Variants in UPRT observed in about 807,000 individuals in gnomAD.
The protein encoded by UPRT is RP11-311P8.3.
Under a neutral mutation model 22.6 loss-of-function variants are expected in UPRT, and 5 were observed. That is an observed-to-expected ratio of 0.22 (90% CI 0.12 to 0.47). The LOEUF (loss-of-function observed/expected upper bound fraction) is 0.47. Ranked by LOEUF, UPRT falls within the 20% of genes least tolerant of loss-of-function variation. The pLI is 0.99. For missense variants in UPRT, 181 were observed against 239.9 expected (o/e 0.75, Z 1.62); for synonymous variants, 77 against 87.7 (o/e 0.88, Z 0.68).
chrX:75,182,455 G>T, intron 4 of UPRT, among the ~76,000 whole-genome samples: 1 of 111,333 alleles, frequency 9.0e-6, no homozygotes, highest in East Asian at 2.8e-4. Context: ...TTATACATCT[G>T]CTAGAATTCA....
intron 4 of UPRT, among the ~76,000 whole-genome samples, chrX:75,196,134 C>T (rs1411947022): frequency 8.9e-6 from 1 of 111,847 alleles, no homozygotes; most frequent in Non-Finnish European, 1.9e-5. Context: ...TTAATACTTC[C>T]AATCCACGAA....
intron 4 of UPRT, among the ~76,000 whole-genome samples, chrX:75,298,965 G>C (rs1010222515): frequency 2.7e-5 from 3 of 112,527 alleles, no homozygotes; most frequent in African/African-American, 9.7e-5. Flanking sequence ...GTTTACACTA[G>C]TGATATAGTT....
intron 4 of UPRT, among the ~76,000 whole-genome samples, chrX:75,236,403 C>G (rs895834136): frequency 1.8e-5 from 2 of 111,442 alleles, no homozygotes; most frequent in Non-Finnish European, 3.8e-5. Flanking sequence ...AATGCCATCC[C>G]CATCAAGCTA....
intron 5 of UPRT, among the ~76,000 whole-genome samples, chrX:75,300,492 A>G (rs1457836248): frequency 8.9e-6 from 1 of 112,131 alleles, no homozygotes; most frequent in African/African-American, 3.2e-5. Flanking sequence ...CTCTTACTTC[A>G]AAGACATTTT....
intron 4 of UPRT, among the ~76,000 whole-genome samples, chrX:75,178,708 C>T (rs897253183): frequency 8.2e-5 from 9 of 110,179 alleles, no homozygotes; most frequent in South Asian, 4.1e-4. Flanking sequence ...CCGGTGGGCT[C>T]GTGGTCTCTC....
At chrX:75,276,896 A>G (rs2082633718) in intron 1 of UPRT, among the ~76,000 whole-genome samples, 1 of 110,564 alleles carries the variant, frequency 9.0e-6, no homozygotes, top group Admixed American at 9.7e-5. Flanking sequence ...TTTTCACCCA[A>G]CCCACCCAAA....
At chrX:75,275,937 C>T (rs1461553384) in intron 1 of UPRT, among the ~76,000 whole-genome samples, 1 of 111,431 alleles carries the variant, frequency 9.0e-6, no homozygotes, top group Admixed American at 9.5e-5. Context: ...GTCTTGAACT[C>T]CTGGCCTCAA....
At chrX:75,265,039 C>G (rs1000902197) in intron 4 of UPRT, among the ~76,000 whole-genome samples, 2 of 111,931 alleles carry the variant, frequency 1.8e-5, no homozygotes, top group African/African-American at 6.5e-5. Flanking sequence ...GAGTTTCTGC[C>G]AAGAGATCAG....
intron 4 of UPRT, among the ~76,000 whole-genome samples, chrX:75,225,058 A>T (rs957226101): frequency 9.0e-6 from 1 of 111,043 alleles, no homozygotes; most frequent in Non-Finnish European, 1.9e-5. Context: ...GAGCGGTCGC[A>T]GTAGTTTGAG....
In UPRT at chrX:75,206,180, G is replaced by T. The variant is rs957437458; in HGVS notation, c.-447+38301G>T. Among the ~76,000 whole-genome samples the T allele has an allele frequency of 4.5e-4, 50 of 110,809 alleles. No homozygotes were observed. In the Admixed American group the frequency reaches 4.6e-3, roughly 10 times the overall value. On this transcript the variant is annotated intron_variant, in intron 4 of 13. Transcript: ENST00000652605. Reference sequence around the variant, plus strand: ...GAGTTTAAACTGGGGGATAATATGGGGTGAGGAGAATAGAAGTGACAGTGT... The same window carrying T: ...GAGTTTAAACTGGGGGATAATATGGTGTGAGGAGAATAGAAGTGACAGTGT...
At chrX:75,180,693 T>TG (rs2082266961) in intron 4 of UPRT, among the ~76,000 whole-genome samples, 43 of 31,664 alleles carry the variant, frequency 1.4e-3, no homozygotes, top group East Asian at 3.4e-3. Context: ...TTTTTTTTTT[T>TG]TGTTTTTTTT....
In UPRT at chrX:75,219,025, A is replaced by G. The variant is rs1210640311; in HGVS notation, c.-447+51146A>G. On this transcript the variant is annotated intron_variant, in intron 4 of 13. Coordinates refer to the UPRT transcript ENST00000652605. ...GCACATTGTGCACATGTACCCTAAAACTTAAAGTATAATAATAATAAAATT... is the reference window on the plus strand; with the variant it reads ...GCACATTGTGCACATGTACCCTAAAGCTTAAAGTATAATAATAATAAAATT... Among the ~76,000 whole-genome samples, 3 of 111,009 alleles carry G rather than the reference A, an allele frequency of 2.7e-5. No individual in the cohort carries two copies. The Admixed American group carries it at 2.9e-4, about 11-fold the overall frequency.
chrX:75,270,836 A>G (rs2082606039), upstream of UPRT, among the ~76,000 whole-genome samples: 1 of 111,277 alleles, frequency 9.0e-6, no homozygotes, highest in Non-Finnish European at 1.9e-5. Context: ...GAAAACCTCC[A>G]TGGCACATGT....
intron 1 of UPRT, among the ~76,000 whole-genome samples, chrX:75,275,868 C>A (rs1335529716): frequency 9.0e-6 from 1 of 110,838 alleles, no homozygotes; most frequent in Non-Finnish European, 1.9e-5. Context: ...TGGCACTGCC[C>A]CCCGGCTAAT....
At chrX:75,241,078 CTTAA>C (rs1264973089) in intron 4 of UPRT, among the ~76,000 whole-genome samples, 11 of 96,819 alleles carry the variant, frequency 1.1e-4, no homozygotes, top group African/African-American at 3.7e-4. Flanking sequence ...ATAGATGGAA[CTTAA>C]TTAAAGTAAA....
intron 4 of UPRT, among the ~76,000 whole-genome samples, chrX:75,184,339 T>C (rs1213317237): frequency 1.8e-5 from 2 of 111,099 alleles, no homozygotes; most frequent in African/African-American, 3.3e-5. Context: ...GTTGTAGATA[T>C]GCGGCATTAT....
intron 1 of UPRT, among the ~76,000 whole-genome samples, chrX:75,287,904 T>C (rs1454650996): frequency 1.8e-5 from 2 of 110,603 alleles, no homozygotes; most frequent in East Asian, 5.7e-4. Flanking sequence ...TTTGAAAGGA[T>C]AAACAAAATC....
chrX:75,248,523 G>T (rs1252976863), intron 4 of UPRT, among the ~76,000 whole-genome samples: 6 of 111,863 alleles, frequency 5.4e-5, no homozygotes, highest in Non-Finnish European at 7.5e-5. Flanking sequence ...AGACTAAAAA[G>T]AAATGAACAA....
chrX:75,279,177 G>A (rs1333515743), intron 1 of UPRT, among the ~76,000 whole-genome samples: 4 of 110,825 alleles, frequency 3.6e-5, no homozygotes, highest in Admixed American at 9.6e-5. Context: ...CTATAGATAT[G>A]GTGATCCAGG....
Sources: allele counts gnomAD v4.1 joint callset (sites outside exome capture counted in the v4.1 genomes callset), GRCh38; gene constraint gnomAD v4.1.1; transcripts MANE v1.5; gene names NCBI Gene and HGNC (gene_info 2026-07-23, HGNC 2026-07-21).